The following YEATS2 variants were observed in gnomAD, a reference collection of about 807,000 sequenced individuals.
YEATS2 encodes the protein YEATS domain containing 2.
YEATS2 carries 77 observed loss-of-function variants against 163.2 expected under a neutral mutation model. The ratio of observed to expected loss-of-function variants is 0.47; its 90% CI spans 0.39 to 0.57. YEATS2 has a LOEUF of 0.57. Ranked by LOEUF, YEATS2 falls within the 20% of genes least tolerant of loss-of-function variation. YEATS2 has a pLI of 0.00. For missense variants in YEATS2, 1,549 were observed against 1,729.8 expected (o/e 0.90, Z 1.85); for synonymous variants, 631 against 645.1 (o/e 0.98, Z 0.33).
intron 18 of YEATS2, among the ~76,000 whole-genome samples, chr3:183,776,876 C>T (rs1382860711): frequency 3.3e-5 from 5 of 151,076 alleles, no homozygotes; most frequent in Admixed American, 2.6e-4. Flanking sequence ...CACTTGAACC[C>T]GGGAGGCAGA....
chr3:183,794,748 G>A (rs1724977045), intron 21 of YEATS2, among the ~76,000 whole-genome samples: 1 of 152,158 alleles, frequency 6.6e-6, no homozygotes, highest in Non-Finnish European at 1.5e-5. Context: ...CATTGTAAGG[G>A]AACATCTGTA....
At chr3:183,800,833 A>G (rs572107519) in intron 24 of YEATS2, 3 of 343,702 alleles carry the variant, frequency 8.7e-6, no homozygotes, top group Non-Finnish European at 1.6e-5. Context: ...GAAGTTGCCA[A>G]CATGGGCTTT....
chr3:183,790,481 A>T (rs904559825), intron 20 of YEATS2, among the ~76,000 whole-genome samples: 1 of 152,196 alleles, frequency 6.6e-6, no homozygotes, highest in Admixed American at 6.5e-5. Flanking sequence ...TTCTGAGAAT[A>T]TGTCCTCCTA....
intron 13 of YEATS2, among the ~76,000 whole-genome samples, chr3:183,760,313 ATTTTT>A (rs11417378): frequency 1.8e-5 from 2 of 110,312 alleles, no homozygotes; most frequent in African/African-American, 3.6e-5. Flanking sequence ...AAACTACAGA[ATTTTT>A]TTTTTTTTTT....
chr3:183,754,806 A>G (rs1720543752), intron 11 of YEATS2, among the ~76,000 whole-genome samples: 2 of 152,202 alleles, frequency 1.3e-5, no homozygotes, highest in Admixed American at 1.3e-4. Flanking sequence ...CACACTAGAA[A>G]ATTATTCATT....
At position 183,795,005 on chromosome 3, in the gene YEATS2, T is replaced by TA. The variant is rs10636195; in HGVS notation, c.3098-2904dup. ...GGCAATGTGACAAGACCCCATTTCT[T>TA]AAAAAAAAAAAAAATTAGCTGGGCA... is the stretch of plus-strand genomic sequence containing the variant. On this transcript the variant is annotated intron_variant, in intron 21 of 30. Transcript: ENST00000305135. Among the ~76,000 whole-genome samples the TA allele has an allele frequency of 5.9e-3, 854 of 144,148 alleles. 2 individuals carry two copies. The highest frequency in any genetic ancestry group is 0.016 in the African/African-American group (619 of 38,984). 94.6% of individuals were successfully genotyped at this position (144,148 alleles called of 152,430 possible). A position where few individuals can be genotyped will look rare whatever the true frequency, so the allele number is the denominator to read the frequency against.
intron 23 of YEATS2, among the ~76,000 whole-genome samples, chr3:183,800,070 G>A (rs993561081): frequency 8.6e-5 from 13 of 151,990 alleles, no homozygotes; most frequent in African/African-American, 3.1e-4. Context: ...CTGACCTCGT[G>A]ATCCGCCCAC....
rs1358646188 is a variant in YEATS2 at position 183,736,836 on chromosome 3, TAACAA to T, written c.924+12_924+16del. On this transcript the variant is annotated splice_region_variant and intron_variant, in intron 8 of 30. Coordinates refer to ENST00000305135, the MANE Select transcript of YEATS2 (RefSeq NM_018023.5). Reference sequence around the variant, plus strand: ...TATCATACATAATCTGAAGGTATTGTAACAAAACATTGCTCCCTAGTTTTGAAGTC... The same window carrying T: ...TATCATACATAATCTGAAGGTATTGTAACATTGCTCCCTAGTTTTGAAGTC... 6.2e-7 allele frequency: 1 copy of T among 1,605,320 alleles called. No individual in the cohort carries two copies. Among genetic ancestry groups the T allele is most frequent in the Non-Finnish European group, 8.5e-7 (1 of 1,174,592 alleles).
At chr3:183,726,201 C>A (rs1285059753) in intron 6 of YEATS2, among the ~76,000 whole-genome samples, 1 of 151,798 alleles carries the variant, frequency 6.6e-6, no homozygotes, top group East Asian at 1.9e-4. Context: ...GTAAAAATTT[C>A]TAAGACATGA....
intron 21 of YEATS2, 54 bp from the exon 22 acceptor site, chr3:183,797,869 A>T (rs1389477322): frequency 1.2e-6 from 2 of 1,609,352 alleles, no homozygotes; most frequent in African/African-American, 1.3e-5. Context: ...AGGATAAGAG[A>T]CTTTCCCGAA....
intron 2 of YEATS2, among the ~76,000 whole-genome samples, chr3:183,715,963 A>C (rs1448859250): frequency 6.6e-6 from 1 of 151,938 alleles, no homozygotes; most frequent in Non-Finnish European, 1.5e-5. Flanking sequence ...TTTTTTATTT[A>C]TTTATTTATT....
intron 26 of YEATS2, chr3:183,803,674 G>A (rs569651453): frequency 6.2e-6 from 3 of 486,524 alleles, no homozygotes; most frequent in Non-Finnish European, 3.7e-6. Context: ...TGGAGACCAG[G>A]TGAAGATCCT....
chr3:183,735,829 G>A (rs1718281306), intron 7 of YEATS2, among the ~76,000 whole-genome samples: 1 of 152,072 alleles, frequency 6.6e-6, no homozygotes, highest in Non-Finnish European at 1.5e-5. Context: ...TTACAGGCAT[G>A]AGCCACCGCA....
chr3:183,699,549 A>T (rs1236599717), intron 1 of YEATS2, among the ~76,000 whole-genome samples: 1 of 138,008 alleles, frequency 7.2e-6, no homozygotes, highest in Non-Finnish European at 1.5e-5. Context: ...CCCGTCTCTT[A>T]AAAAAAAAAA....
In YEATS2 at chr3:183,736,808, A is replaced by G. The variant is rs772057822; in HGVS notation, c.903A>G (p.Ile301Met). ...TTAAGGACAGCCAGAACAAGCGGATAGATATCATACATAATCTGAAGGTAT... is the reference window on the plus strand; with the variant it reads ...TTAAGGACAGCCAGAACAAGCGGATGGATATCATACATAATCTGAAGGTAT... ...VHFKDSQNKR[I>M]DIIHNLKLDR... The change falls in exon 8 of 31, where the codon ATA (isoleucine) becomes ATG (methionine). Residue 301 changes from isoleucine to methionine, a missense_variant. By Grantham distance (10) the Ile-to-Met change is conservative. Transcript: ENST00000305135. 6.2e-7 allele frequency: 1 copy of G among 1,613,848 alleles called. No individual in the cohort carries two copies. The highest frequency in any genetic ancestry group is 1.1e-5 in the South Asian group (1 of 91,048).
In YEATS2 at chr3:183,800,505, CTCAGGAGGG is replaced by C. The variant is rs1289072244; in HGVS notation, c.3370_3378del (p.Glu1124_Gln1126del). Reference sequence around the variant, plus strand: ...GAAACACCTGGACCGAGTTGCCTCTCTCAGGAGGGTCAGACAGCAGTGAAAACAGAAGAA... The same window carrying C: ...GAAACACCTGGACCGAGTTGCCTCTCTCAGACAGCAGTGAAAACAGAAGAA... On this transcript the variant is annotated inframe_deletion, in exon 24 of 31. Transcript: ENST00000305135. 6.2e-7 allele frequency: 1 copy of C among 1,614,060 alleles called. No homozygotes were observed. The highest frequency in any genetic ancestry group is 8.5e-7 in the Non-Finnish European group (1 of 1,180,008).
At chr3:183,745,311 C>T (rs1241853611) in intron 8 of YEATS2, among the ~76,000 whole-genome samples, 1 of 152,192 alleles carries the variant, frequency 6.6e-6, no homozygotes, top group African/African-American at 2.4e-5. Flanking sequence ...GGTTGAATTC[C>T]TGTTAAAGTG....
chr3:183,743,040 A>T (rs1029810889), intron 8 of YEATS2, among the ~76,000 whole-genome samples: 10 of 152,244 alleles, frequency 6.6e-5, no homozygotes, highest in Non-Finnish European at 2.9e-5. Context: ...TTAATAGATG[A>T]CAGCATAGTA....
In YEATS2 at chr3:183,810,334, GC is replaced by G. The variant is rs1726671592; in HGVS notation, c.4161-138del. 12 of 685,862 alleles carry G rather than the reference GC, an allele frequency of 1.7e-5. No homozygotes were observed. The South Asian group carries it at 2.0e-4, about 11-fold the overall frequency. 42.5% of individuals were successfully genotyped at this position (685,862 alleles called of 1,614,324 possible). A position where few individuals can be genotyped will look rare whatever the true frequency, so the allele number is the denominator to read the frequency against. ...GGAAGGCAGTCCTCACCCCAGAGTGGCCCTAAGCTATGTCTGTGGCTCAGGA... is the reference window on the plus strand; with the variant it reads ...GGAAGGCAGTCCTCACCCCAGAGTGGCCTAAGCTATGTCTGTGGCTCAGGA... On this transcript the variant is annotated intron_variant, in intron 30 of 30. Coordinates refer to ENST00000305135, the MANE Select transcript of YEATS2 (RefSeq NM_018023.5).
Sources: gnomAD v4.1 joint callset for allele counts (sites outside exome capture counted in the v4.1 genomes callset) on GRCh38, gnomAD v4.1.1 for gene constraint, MANE v1.5 for transcripts, NCBI Gene and HGNC (gene_info 2026-07-23, HGNC 2026-07-21) for gene names.